Variants in CORO2A observed in about 807,000 individuals in gnomAD.
The protein encoded by CORO2A is coronin-2A.
In CORO2A, 47 loss-of-function variants were observed where a neutral mutation model predicts 62.4. That is an observed-to-expected ratio of 0.75 (90% confidence interval 0.60 to 0.96). The LOEUF (loss-of-function observed/expected upper bound fraction) is 0.96, where lower values mean the gene tolerates loss of function less well. Among genes scored for constraint, CORO2A ranks in the 40% least tolerant of loss-of-function variants. CORO2A has a pLI of 0.00. For synonymous variants in CORO2A, 273 were observed against 268.9 expected, an observed-to-expected ratio of 1.02 and a Z score of -0.15; for missense variants, 610 against 684.1, an observed-to-expected ratio of 0.89 and a Z score of 1.21.
chr9:98,171,765 G>A (rs915584380), intron 1 of CORO2A, among the ~76,000 whole-genome samples: 3 of 151,992 alleles, frequency 2.0e-5, no homozygotes, highest in African/African-American at 7.3e-5. Flanking sequence ...GCGCGGGGGT[G>A]GGGAGGCTGG....
intron 1 of CORO2A, among the ~76,000 whole-genome samples, chr9:98,180,557 A>G (rs1828164398): frequency 6.6e-6 from 1 of 152,010 alleles, no homozygotes; most frequent in South Asian, 2.1e-4. Context: ...ATCTCCTTAA[A>G]AGAACCATCT....
intron 1 of CORO2A, among the ~76,000 whole-genome samples, chr9:98,161,977 C>G (rs1201004760): frequency 6.6e-6 from 1 of 152,192 alleles, no homozygotes; most frequent in Non-Finnish European, 1.5e-5. Context: ...TGGGCAACAC[C>G]TCCCCTGGAG....
intron 1 of CORO2A, among the ~76,000 whole-genome samples, chr9:98,174,089 G>A (rs1467608470): frequency 1.3e-5 from 2 of 151,342 alleles, no homozygotes; most frequent in African/African-American, 2.4e-5. Flanking sequence ...CCTGGGCAAC[G>A]AGAGTGAAGC....
At chr9:98,173,946 G>A (rs3758263) in intron 1 of CORO2A, among the ~76,000 whole-genome samples, 6,737 of 152,006 alleles carry the variant, frequency 0.044, 237 homozygotes, top group East Asian at 0.2. Flanking sequence ...GAGAAACCCC[G>A]TCTTTACTAA....
At position 98,123,364 on chromosome 9, in the gene CORO2A, T is replaced by A. The variant is rs1827267973; in HGVS notation, c.*1410A>T. On this transcript the variant is annotated 3_prime_UTR_variant, in exon 12 of 12. Coordinates refer to ENST00000375077, the MANE Select transcript of CORO2A (RefSeq NM_052820.4). ...ACTAGCTTTCAAACTTCTAAAAAAA[T>A]TTTTTTTTCCTAGCAGAATTGTTTT... 5 of 151,950 alleles carry A rather than the reference T, an allele frequency of 3.3e-5. No homozygotes were observed. Among genetic ancestry groups the A allele is most frequent in the South Asian group, 2.1e-4 (1 of 4,822 alleles). 9.4% of individuals were successfully genotyped at this position (151,950 alleles called of 1,614,324 possible).
At chr9:98,148,119 G>A (rs556548262) in intron 2 of CORO2A, among the ~76,000 whole-genome samples, 1 of 149,116 alleles carries the variant, frequency 6.7e-6, no homozygotes, top group Admixed American at 6.7e-5. Flanking sequence ...AAGAGGCCAG[G>A]CAAGGTGGTT....
intron 1 of CORO2A, among the ~76,000 whole-genome samples, chr9:98,167,566 AAG>A (rs567951621): frequency 2.3e-4 from 35 of 152,348 alleles, no homozygotes; most frequent in Admixed American, 2.3e-3. Flanking sequence ...TACAGTTCAG[AAG>A]AGACTTAAGA....
chr9:98,169,011 C>T lies in CORO2A; in HGVS notation c.1-11351G>A, dbSNP rs1388936183. Among the ~76,000 whole-genome samples the T allele has an allele frequency of 2.6e-5, 4 of 152,042 alleles. 1 individual carries two copies. In the East Asian group the frequency reaches 5.8e-4, roughly 22 times the overall value. ...TGCCCTAGTGCTGAGGGACCTGGGA[C>T]GGGGTGGAGGGGTGGGGGAAGAAGC... On this transcript the variant is annotated intron_variant, in intron 1 of 11. Transcript: ENST00000375077.
intron 1 of CORO2A, 32 bp from the exon 2 acceptor site, chr9:98,157,692 G>T: frequency 6.3e-7 from 1 of 1,581,524 alleles, no homozygotes; most frequent in Non-Finnish European, 8.6e-7. Context: ...AAGGGTATGA[G>T]GCTCACTGCC....
At position 98,126,553 on chromosome 9, in the gene CORO2A, TTC is replaced by T; in HGVS notation, c.1440_1441del (p.Asn481Ter). The T allele has an allele frequency of 6.2e-7, 1 of 1,613,124 alleles. No individual in the cohort carries two copies. Among genetic ancestry groups the T allele is most frequent in the Non-Finnish European group, 8.5e-7 (1 of 1,179,200 alleles). ...CCACCCCGTCCTCCTTCACACCTCA[TTC>T]TCTGTCTTTGGTGGGGGGCATTCGA... On this transcript the variant is annotated frameshift_variant, in exon 11 of 12. Coordinates refer to ENST00000375077, the MANE Select transcript of CORO2A (RefSeq NM_052820.4). LOFTEE classifies it high-confidence loss of function.
In CORO2A at chr9:98,153,402, A is replaced by G. The variant is rs567089865; in HGVS notation, c.201+4058T>C. Among the ~76,000 whole-genome samples, 17 of 139,518 alleles carry G rather than the reference A, an allele frequency of 1.2e-4. No individual in the cohort carries two copies. In the South Asian group the frequency reaches 2.1e-3, roughly 17 times the overall value. 91.5% of individuals were successfully genotyped at this position (139,518 alleles called of 152,430 possible). A position where few individuals can be genotyped will look rare whatever the true frequency, so the allele number is the denominator to read the frequency against. On this transcript the variant is annotated intron_variant, in intron 2 of 11. Transcript: ENST00000375077. ...AGGCGTAAGCCAGCGCATCCGGCTG[A>G]TAACTTTTTTTTTTTTTTTTTAAGA...
intron 1 of CORO2A, among the ~76,000 whole-genome samples, chr9:98,180,702 C>T (rs1388363726): frequency 6.6e-6 from 1 of 152,172 alleles, no homozygotes; most frequent in African/African-American, 2.4e-5. Context: ...ACCGCACCCT[C>T]CCCACCTCCA....
At chr9:98,142,113 A>G (rs1044938965) in intron 2 of CORO2A, among the ~76,000 whole-genome samples, 1 of 152,250 alleles carries the variant, frequency 6.6e-6, no homozygotes, top group Non-Finnish European at 1.5e-5. Context: ...TCCATCCAGG[A>G]TTAGCCAAAA....
At chr9:98,141,868 T>C (rs1419940200) in intron 2 of CORO2A, among the ~76,000 whole-genome samples, 1 of 152,218 alleles carries the variant, frequency 6.6e-6, no homozygotes, top group Non-Finnish European at 1.5e-5. Context: ...CAGTCAGGTG[T>C]TACTGTAAGT....
Position 98,125,494 on chromosome 9 carries a change from C to T in CORO2A, c.1447-589G>A, listed in dbSNP as rs567900972. Among the ~76,000 whole-genome samples, 5 of 152,278 alleles carry T rather than the reference C, an allele frequency of 3.3e-5. No homozygotes were observed. In the South Asian group the frequency reaches 1.0e-3, roughly 32 times the overall value. The stretch of plus-strand genomic sequence containing the variant: ...TCAGAATCCATCTGTGAGATGCCAG[C>T]CTCTGTGTTCTTAGCCACTACAGAC... On this transcript the variant is annotated intron_variant, in intron 11 of 11. Coordinates refer to ENST00000375077, the MANE Select transcript of CORO2A (RefSeq NM_052820.4).
chr9:98,190,597 G>A (rs187928366), intron 1 of CORO2A, among the ~76,000 whole-genome samples: 1 of 152,238 alleles, frequency 6.6e-6, no homozygotes, highest in Admixed American at 6.5e-5. Flanking sequence ...TGAATGAGAC[G>A]ACGTCTGAAG....
rs1448102934 is a variant in CORO2A, at chr9:98,184,236, T to A, written c.-1+8323A>T. ...AGTATAAAATTATTTTATTTTATTT[T>A]TTTTTTTAATAGAGGCAATGTCTTA... On this transcript the variant is annotated intron_variant, in intron 1 of 11. Coordinates refer to ENST00000375077, the MANE Select transcript of CORO2A (RefSeq NM_052820.4). Among the ~76,000 whole-genome samples, 9 of 152,066 alleles carry A rather than the reference T, an allele frequency of 5.9e-5. No homozygotes were observed. In the East Asian group the frequency reaches 1.3e-3, roughly 23 times the overall value.
At position 98,125,021 on chromosome 9, in the gene CORO2A, A is replaced by G. The variant is rs1054265669; in HGVS notation, c.1447-116T>C. ...GGAGGCGGTCACATTAACATGGCTGAGGCCTGATGGGGCTGTCACTGCATA... is the reference window on the plus strand; with the variant it reads ...GGAGGCGGTCACATTAACATGGCTGGGGCCTGATGGGGCTGTCACTGCATA... On this transcript the variant is annotated intron_variant, in intron 11 of 11. Coordinates refer to ENST00000375077, the MANE Select transcript of CORO2A (RefSeq NM_052820.4). 24 of 1,163,584 alleles carry G rather than the reference A, an allele frequency of 2.1e-5. No individual in the cohort carries two copies. In the African/African-American group the frequency reaches 2.8e-4, roughly 13 times the overall value. The allele number at this position is 1,163,584 out of a possible 1,614,324, so 72.1% of individuals were successfully genotyped here.
chr9:98,135,705 C>T (rs1277546145), intron 3 of CORO2A, among the ~76,000 whole-genome samples: 1 of 152,106 alleles, frequency 6.6e-6, no homozygotes, highest in Non-Finnish European at 1.5e-5. Flanking sequence ...TTCTCTGGCC[C>T]CTAGTTGATT....
Sources: gnomAD v4.1 joint callset for allele counts (sites outside exome capture counted in the v4.1 genomes callset) on GRCh38, gnomAD v4.1.1 for gene constraint, MANE v1.5 for transcripts, NCBI Gene and HGNC (gene_info 2026-07-23, HGNC 2026-07-21) for gene names.